SLC2A7: variants seen among roughly 807,000 people sequenced by gnomAD.
SLC2A7 encodes the protein solute carrier family 2 member 7, also known as solute carrier family 2, facilitated glucose transporter member 7.
Under a neutral mutation model 50.5 loss-of-function variants are expected in SLC2A7, and 50 were observed. The observed-to-expected ratio is 0.99, with a 90% CI of 0.79 to 1.25. The LOEUF (loss-of-function observed/expected upper bound fraction) is 1.25, where lower values mean the gene tolerates loss of function less well. SLC2A7 is among the 50% of genes most tolerant of loss of function. The pLI, the probability that SLC2A7 is intolerant of heterozygous loss-of-function variation, is 0.00. For missense variants in SLC2A7, 683 were observed against 679.1 expected (o/e 1.01, Z -0.06); for synonymous variants, 308 against 300.4 (o/e 1.03, Z -0.26).
At chr1:9,023,838 CTTTTTTTTT>C (rs1162143987) in intron 2 of SLC2A7, among the ~76,000 whole-genome samples, 29 of 17,142 alleles carry the variant, frequency 1.7e-3, no homozygotes, top group African/African-American at 7.0e-3. Context: ...TATTCTTCTT[CTTTTTTTTT>C]TTTTTTTTTT....
chr1:9,015,001 G>T, intron 6 of SLC2A7, 116 bp downstream of exon 6: 2 of 1,304,626 alleles, frequency 1.5e-6, no homozygotes, highest in East Asian at 2.7e-5. Context: ...CCCCCACCCC[G>T]TTCAGCTCCC....
downstream of SLC2A7, among the ~76,000 whole-genome samples, chr1:9,002,528 A>G (rs1640589572): frequency 6.6e-6 from 1 of 152,114 alleles, no homozygotes; most frequent in Non-Finnish European, 1.5e-5. Flanking sequence ...CTTATTTATG[A>G]CACAGAGCCT....
chr1:9,019,121 C>A, intron 4 of SLC2A7, 88 bp downstream of exon 4: 1 of 1,511,732 alleles, frequency 6.6e-7, no homozygotes, highest in Non-Finnish European at 8.9e-7. Context: ...GAGGCAGAGC[C>A]AGGCAGACAC....
chr1:9,003,618 G>T, intron 11 of SLC2A7, 100 bp from the exon 12 acceptor site: 1 of 1,065,772 alleles, frequency 9.4e-7, no homozygotes, highest in South Asian at 1.4e-5. Flanking sequence ...AGCACTTTGG[G>T]AGGCCAAGAC....
chr1:9,010,609 C>T (rs566319599), intron 8 of SLC2A7, among the ~76,000 whole-genome samples: 13 of 152,158 alleles, frequency 8.5e-5, no homozygotes, highest in South Asian at 6.2e-4. Flanking sequence ...CCTCCTGCCT[C>T]GGCCTCCCAA....
intron 5 of SLC2A7, among the ~76,000 whole-genome samples, chr1:9,017,277 G>A (rs56693507): frequency 0.015 from 2,248 of 152,122 alleles, 50 homozygotes; most frequent in African/African-American, 0.051. Context: ...CTGAGATCGC[G>A]CCATTGCACT....
At chr1:9,013,682 C>T (rs371590609) in intron 7 of SLC2A7, 47 bp from the exon 8 acceptor site, 28 of 1,535,804 alleles carry the variant, frequency 1.8e-5, no homozygotes, top group Middle Eastern at 3.4e-4. Context: ...AGACCCAGGA[C>T]GCTGGCTTAA....
chr1:9,012,199 C>A (rs1392907286), intron 8 of SLC2A7, among the ~76,000 whole-genome samples: 1 of 152,186 alleles, frequency 6.6e-6, no homozygotes, highest in Non-Finnish European at 1.5e-5. Context: ...AGGATGGGAG[C>A]GAAGTGCACC....
chr1:9,006,622 G>T (rs941954467), intron 10 of SLC2A7, among the ~76,000 whole-genome samples: 1 of 152,214 alleles, frequency 6.6e-6, no homozygotes. Flanking sequence ...ACAGCACAGT[G>T]TAAACAGGTA....
Position 9,014,836 on chromosome 1 carries a change from C to T in SLC2A7, c.748G>A (p.Glu250Lys). 1 of 1,604,626 alleles carries T rather than the reference C, an allele frequency of 6.2e-7. No individual in the cohort carries two copies. Among genetic ancestry groups the T allele is most frequent in the Non-Finnish European group, 8.5e-7 (1 of 1,176,444 alleles). Reference sequence around the variant, plus strand: ...GCACGCATGTCCTCCAGCTCGGCCTCCATGTCCGTGTGGCCTCTCAGCCTC... The same window carrying T: ...GCACGCATGTCCTCCAGCTCGGCCTTCATGTCCGTGTGGCCTCTCAGCCTC... ...LRRLRGHTDM[E>K]AELEDMRAEA... The change falls in exon 7 of 12, where the codon GAG becomes AAG. Residue 250 changes from glutamate to lysine, a missense_variant. Transcript: ENST00000400906.
chr1:9,021,425 ATTG>A (rs372540454), intron 3 of SLC2A7, among the ~76,000 whole-genome samples: 110 of 152,172 alleles, frequency 7.2e-4, no homozygotes, highest in African/African-American at 2.6e-3. Flanking sequence ...TACCTTTGTG[ATTG>A]TCTCACACTT....
intron 3 of SLC2A7, among the ~76,000 whole-genome samples, chr1:9,021,329 C>T (rs977851967): frequency 3.3e-5 from 5 of 152,072 alleles, no homozygotes; most frequent in African/African-American, 1.2e-4. Context: ...TTTTTTATTT[C>T]TTCTCTCTCC....
At chr1:9,013,870 G>T (rs1569794912) in intron 7 of SLC2A7, among the ~76,000 whole-genome samples, 1 of 152,264 alleles carries the variant, frequency 6.6e-6, no homozygotes, top group Non-Finnish European at 1.5e-5. Flanking sequence ...CCTCAGGTTT[G>T]GCGTCTATAA....
At chr1:9,024,835 G>A in intron 2 of SLC2A7, 141 bp downstream of exon 2, 4 of 865,606 alleles carry the variant, frequency 4.6e-6, no homozygotes, top group East Asian at 5.3e-5. Context: ...GGGTACTAGG[G>A]CAAGCTGGCT....
chr1:9,010,315 T>C, intron 8 of SLC2A7, 71 bp from the exon 9 acceptor site: 6 of 1,269,112 alleles, frequency 4.7e-6, no homozygotes, highest in Non-Finnish European at 6.7e-6. Flanking sequence ...GAGCCTCCAC[T>C]TCCTTTTGTG....
downstream of SLC2A7, among the ~76,000 whole-genome samples, chr1:8,998,713 T>G (rs1421015748): frequency 6.6e-6 from 1 of 152,166 alleles, no homozygotes; most frequent in Admixed American, 6.5e-5. Flanking sequence ...TGCTGGAATT[T>G]TGATGGAAAT....
the SLC2A7 span, among the ~76,000 whole-genome samples, chr1:8,995,315 G>T: frequency 6.6e-6 from 1 of 151,796 alleles, no homozygotes; most frequent in East Asian, 2.0e-4. Context: ...AGGCATGGTG[G>T]CGGGCGCCTG....
At chr1:9,017,560 C>A (rs796743746) in intron 5 of SLC2A7, among the ~76,000 whole-genome samples, 12 of 152,364 alleles carry the variant, frequency 7.9e-5, no homozygotes, top group African/African-American at 2.9e-4. Flanking sequence ...TATTTCTACT[C>A]GGCTGTCCGT....
rs1640691634 is a variant in SLC2A7 at position 9,008,478 on chromosome 1, G to A, written c.1117-1093C>T. ...CTGGTTGGACAGAAGGAGTGAAAGAGCCACCGGGGATGCCCCTAGGTTTCA... is the reference window on the plus strand; with the variant it reads ...CTGGTTGGACAGAAGGAGTGAAAGAACCACCGGGGATGCCCCTAGGTTTCA... On this transcript the variant is annotated intron_variant, in intron 9 of 11. Coordinates refer to ENST00000400906, the MANE Select transcript of SLC2A7 (RefSeq NM_207420.3). This position sits in a 1 kb window ranked among gnomAD's most constrained non-coding sequence, Gnocchi z 5.9. Among the ~76,000 whole-genome samples the A allele has an allele frequency of 6.6e-6, 1 of 152,186 alleles. No individual in the cohort carries two copies. Among genetic ancestry groups the A allele is most frequent in the South Asian group, 2.1e-4 (1 of 4,830 alleles).
Sources: gnomAD v4.1 joint callset for allele counts (sites outside exome capture counted in the v4.1 genomes callset) on GRCh38, gnomAD v4.1.1 for gene constraint, Gnocchi (gnomAD v3.1) non-coding constraint, MANE v1.5 for transcripts, NCBI Gene and HGNC (gene_info 2026-07-23, HGNC 2026-07-21) for gene names.